Variants in PLP1 observed in about 807,000 individuals in gnomAD.
PLP1 encodes the protein proteolipid protein 1, also known as myelin proteolipid protein.
In PLP1, 2 loss-of-function variants were observed where a neutral mutation model predicts 18.5. The ratio of observed to expected loss-of-function variants is 0.11; its 90% CI spans 0.04 to 0.34. The LOEUF is 0.34. Ranked by LOEUF, PLP1 falls within the 10% of genes least tolerant of loss-of-function variation. PLP1 has a pLI of 1.00. For missense variants in PLP1, 105 were observed against 207.3 expected, an observed-to-expected ratio of 0.51 and a Z score of 3.03; for synonymous variants, 86 against 83.2, an observed-to-expected ratio of 1.03 and a Z score of -0.19.
chrX:103,778,318 T>C (rs1439383411), intron 1 of PLP1, among the ~76,000 whole-genome samples: 1 of 112,378 alleles, frequency 8.9e-6, no homozygotes, highest in Non-Finnish European at 1.9e-5. Flanking sequence ...ATAATGTGTA[T>C]ACAGGCGAAC....
At chrX:103,784,021 T>G (rs904266141) in intron 1 of PLP1, among the ~76,000 whole-genome samples, 3 of 112,426 alleles carry the variant, frequency 2.7e-5, no homozygotes, top group Non-Finnish European at 5.6e-5. Flanking sequence ...TTCTACATTT[T>G]AGGGATCTGG....
At position 103,791,720 on chromosome X, in the gene PLP1, G is replaced by T. The variant is rs368210188; in HGVS notation, c.*1122G>T. On this transcript the variant is annotated 3_prime_UTR_variant, in exon 7 of 7. Transcript: ENST00000621218. ...TTTGGGGTTGCATCAGAAATGTCTG[G>T]AGAATAATTCTTTGATTATGACTGT... is the stretch of plus-strand genomic sequence containing the variant. The T allele has an allele frequency of 8.9e-6, 1 of 112,507 alleles. No homozygotes were observed. The highest frequency in any genetic ancestry group is 1.9e-5 in the Non-Finnish European group (1 of 53,249). 9.3% of individuals were successfully genotyped at this position (112,507 alleles called of 1,213,427 possible). A position where few individuals can be genotyped will look rare whatever the true frequency, so the allele number is the denominator to read the frequency against.
At position 103,792,245 on chromosome X, in the gene PLP1, A is replaced by G. The variant is rs2074550512; in HGVS notation, c.*1647A>G. On this transcript the variant is annotated 3_prime_UTR_variant, in exon 7 of 7. Transcript: ENST00000621218. ...TCAGCAATATTTAAGGAGATGTAAG[A>G]GCTTTACAAAAAGACACTTGATACT... 8.9e-6 allele frequency: 1 copy of G among 112,214 alleles called. No homozygotes were observed. Among genetic ancestry groups the G allele is most frequent in the Admixed American group, 9.5e-5 (1 of 10,565 alleles). The allele number at this position is 112,214 out of a possible 1,213,427, so 9.2% of individuals were successfully genotyped here. A position where few individuals can be genotyped will look rare whatever the true frequency, so the allele number is the denominator to read the frequency against.
chrX:103,788,415 T>A (rs1056234214), intron 4 of PLP1, 22 bp from the exon 5 acceptor site: 1 of 1,166,953 alleles, frequency 8.6e-7, no homozygotes. Context: ...CTTACCCTGC[T>A]TGCTTTTTGT....
At chrX:103,783,935 A>G (rs1369617824) in intron 1 of PLP1, among the ~76,000 whole-genome samples, 1 of 112,344 alleles carries the variant, frequency 8.9e-6, no homozygotes, top group Non-Finnish European at 1.9e-5. Flanking sequence ...ATCAGTGGGT[A>G]TATATACATA....
chrX:103,777,452 C>T (rs762514626), intron 1 of PLP1, among the ~76,000 whole-genome samples: 11 of 111,974 alleles, frequency 9.8e-5, no homozygotes, highest in Non-Finnish European at 1.5e-4. Flanking sequence ...TAATAGGAAG[C>T]TGGGGATCGG....
intron 1 of PLP1, among the ~76,000 whole-genome samples, chrX:103,781,550 T>C (rs1403964729): frequency 8.9e-6 from 1 of 112,396 alleles, no homozygotes; most frequent in East Asian, 2.8e-4. Context: ...CAGACATATG[T>C]TTGTTCACCC....
intron 1 of PLP1, among the ~76,000 whole-genome samples, chrX:103,785,105 C>T (rs1334548663): frequency 9.1e-6 from 1 of 109,676 alleles, no homozygotes; most frequent in Non-Finnish European, 1.9e-5. Flanking sequence ...GACAGAGTCT[C>T]GCTCTTACTG....
intron 1 of PLP1, among the ~76,000 whole-genome samples, chrX:103,779,239 T>C (rs1182563667): frequency 1.8e-5 from 2 of 112,187 alleles, no homozygotes; most frequent in Non-Finnish European, 3.8e-5. Flanking sequence ...CAGCAAAACA[T>C]TGTCTGCAAG....
Position 103,787,877 on chromosome X carries a change from T to G in PLP1, c.533T>G (p.Phe178Cys), listed in dbSNP as rs1268376977. ...ACSAVPVYIY[F>C]NTWTTCQSIA... Reference sequence around the variant, plus strand: ...TCTGCTGTGCCTGTGTACATTTACTTCAACACCTGGACCACCTGCCAGTCT... The same window carrying G: ...TCTGCTGTGCCTGTGTACATTTACTGCAACACCTGGACCACCTGCCAGTCT... The change falls in exon 4 of 7, where the codon TTC becomes TGC. Residue 178 changes from phenylalanine (F) to cysteine (C), a missense_variant. Physicochemically the swap from Phe to Cys is radical, Grantham distance 205 (BLOSUM62 -2). Transcript: ENST00000621218. 3.3e-6 allele frequency: 4 copies of G among 1,207,933 alleles called. No homozygotes were observed. The highest frequency in any genetic ancestry group is 4.5e-6 in the Non-Finnish European group (4 of 891,987).
intron 5 of PLP1, chrX:103,789,098 G>T: frequency 2.3e-6 from 1 of 426,564 alleles, no homozygotes. Flanking sequence ...TAATTATTTT[G>T]GAGTACTGTA....
Position 103,786,663 on chromosome X carries a change from T to G in PLP1, c.390T>G (p.His130Gln), listed in dbSNP as rs769235659. 8.3e-7 allele frequency: 1 copy of G among 1,210,876 alleles called. No homozygotes were observed. The highest frequency in any genetic ancestry group is 2.2e-5 in the Admixed American group (1 of 46,017). ...GQKGRGSRGQ[H>Q]QAHSLERVCH... ...AGGGGAGGGGTTCCAGAGGCCAACA[T>G]CAAGCTCATTCTTTGGAGCGGGTGT... Residue 130 changes from histidine (H) to glutamine (Q), a missense_variant, in exon 3 of 7, where the codon CAT (histidine) becomes CAG (glutamine). By Grantham distance (24) the His-to-Gln change is conservative. Coordinates refer to ENST00000621218, the MANE Select transcript of PLP1 (RefSeq NM_000533.5).
intron 6 of PLP1, 121 bp downstream of exon 6, chrX:103,789,519 G>A (rs779777201): frequency 1.0e-4 from 62 of 596,093 alleles, no homozygotes; most frequent in Admixed American, 1.6e-4. Context: ...GAAGCTTCTG[G>A]GAAGATAGCA....
At position 103,790,949 on chromosome X, in the gene PLP1, G is replaced by C. The variant is rs993317811; in HGVS notation, c.*351G>C. 7.6e-6 allele frequency: 2 copies of C among 261,527 alleles called. No homozygotes were observed. The highest frequency in any genetic ancestry group is 1.4e-5 in the Non-Finnish European group (2 of 146,367). The allele number at this position is 261,527 out of a possible 1,213,427, so 21.6% of individuals were successfully genotyped here. On this transcript the variant is annotated 3_prime_UTR_variant, in exon 7 of 7. Transcript: ENST00000621218. ...TTTCTTCTCAAAGGGTACTTCCACTGATGGAAACAAAGTGGAAGGAAAGAT... is the reference window on the plus strand; with the variant it reads ...TTTCTTCTCAAAGGGTACTTCCACTCATGGAAACAAAGTGGAAGGAAAGAT...
At chrX:103,787,337 CT>C (rs1475544929) in intron 3 of PLP1, among the ~76,000 whole-genome samples, 1 of 111,279 alleles carries the variant, frequency 9.0e-6, no homozygotes, top group Non-Finnish European at 1.9e-5. Context: ...CCAGCAATGT[CT>C]TTTTGTGGCC....
intron 1 of PLP1, among the ~76,000 whole-genome samples, chrX:103,777,812 G>A (rs900787975): frequency 1.2e-4 from 13 of 112,481 alleles, no homozygotes; most frequent in African/African-American, 3.6e-4. Flanking sequence ...GAGCACAAGG[G>A]TCTTTGTCCC....
At chrX:103,786,135 C>A (rs1329062026) in intron 2 of PLP1, 1 of 1,097,132 alleles carries the variant, frequency 9.1e-7, no homozygotes, top group Non-Finnish European at 1.2e-6. Flanking sequence ...CCTGTTCCTT[C>A]ACCCACCTTT....
At chrX:103,788,300 G>C in intron 4 of PLP1, 137 bp from the exon 5 acceptor site, 1 of 576,801 alleles carries the variant, frequency 1.7e-6, no homozygotes, top group Middle Eastern at 3.8e-4. Context: ...CTGTAGAAAA[G>C]AGGATCCTGA....
chrX:103,776,970 A>G lies in PLP1; in HGVS notation c.-26A>G, dbSNP rs780949487. On this transcript the variant is annotated 5_prime_UTR_variant, in exon 1 of 7. Transcript: ENST00000621218. ...CACAAAGCAGACTAGCCAGCCGGCT[A>G]CAATTGGAGTCAGAGTCCCAAAGAC... The G allele has an allele frequency of 8.3e-6, 10 of 1,201,823 alleles. No homozygotes were observed. Among genetic ancestry groups the G allele is most frequent in the Non-Finnish European group, 1.1e-5 (10 of 886,537 alleles).
Sources: gnomAD v4.1 joint callset for allele counts (sites outside exome capture counted in the v4.1 genomes callset) on GRCh38, gnomAD v4.1.1 for gene constraint, MANE v1.5 for transcripts, NCBI Gene and HGNC (gene_info 2026-07-23, HGNC 2026-07-21) for gene names.